CEP128: variants seen among roughly 807,000 people sequenced by gnomAD.
The protein encoded by CEP128 is centrosomal protein 128.
CEP128 carries 132 observed loss-of-function variants against 156.7 expected under a neutral mutation model. The observed-to-expected ratio is 0.84, with a 90% CI of 0.73 to 0.97. CEP128 has a LOEUF of 0.97. Ranked by LOEUF, CEP128 falls within the 50% of genes least tolerant of loss-of-function variation. The pLI, the probability that CEP128 is intolerant of heterozygous loss-of-function variation, is 0.00. For missense variants in CEP128, 1,252 were observed against 1,281.9 expected, an observed-to-expected ratio of 0.98 and a Z score of 0.36; for synonymous variants, 469 against 448.9, an observed-to-expected ratio of 1.04 and a Z score of -0.57.
chr14:80,564,706 G>A (rs1205142876), intron 20 of CEP128, among the ~76,000 whole-genome samples: 1 of 152,160 alleles, frequency 6.6e-6, no homozygotes, highest in African/African-American at 2.4e-5. Flanking sequence ...TTCCCAAAAA[G>A]ACCTGCTTCT....
intron 1 of CEP128, among the ~76,000 whole-genome samples, chr14:80,958,841 T>C (rs563696842): frequency 6.6e-6 from 1 of 152,280 alleles, no homozygotes; most frequent in Non-Finnish European, 1.5e-5. Context: ...TTATTCAGAG[T>C]GTACCTCTTT....
At chr14:80,642,089 CAAA>C (rs71103870) in intron 19 of CEP128, among the ~76,000 whole-genome samples, 6 of 91,516 alleles carry the variant, frequency 6.6e-5, no homozygotes, top group African/African-American at 1.5e-4. Flanking sequence ...GACTCCGTTT[CAAA>C]AAAAAAAAAG....
chr14:80,563,516 C>T (rs1324485539), intron 20 of CEP128, among the ~76,000 whole-genome samples: 1 of 138,024 alleles, frequency 7.2e-6, no homozygotes, highest in African/African-American at 2.7e-5. Context: ...ACCCATGGGC[C>T]TCCAAATCTT....
intron 23 of CEP128, among the ~76,000 whole-genome samples, chr14:80,513,743 A>T (rs72689029): frequency 0.056 from 8,450 of 152,230 alleles, 300 homozygotes; most frequent in Non-Finnish European, 0.082. Flanking sequence ...ATCGTGACTT[A>T]CTTTCCAATC....
intron 21 of CEP128, among the ~76,000 whole-genome samples, chr14:80,541,166 G>C (rs532953357): frequency 6.6e-6 from 1 of 152,200 alleles, no homozygotes; most frequent in South Asian, 2.1e-4. Flanking sequence ...TTCTAAGTCA[G>C]GAAAATGGGA....
chr14:80,736,957 T>C (rs999554099), intron 19 of CEP128, among the ~76,000 whole-genome samples: 1 of 152,204 alleles, frequency 6.6e-6, no homozygotes, highest in Admixed American at 6.5e-5. Flanking sequence ...TGGATTTCAA[T>C]TCATAACAGA....
At chr14:80,619,061 C>G (rs149776503) in intron 19 of CEP128, among the ~76,000 whole-genome samples, 1 of 152,144 alleles carries the variant, frequency 6.6e-6, no homozygotes, top group Non-Finnish European at 1.5e-5. Flanking sequence ...AAAATGAACA[C>G]TGCCCGCATA....
At chr14:80,541,142 C>G (rs1889737822) in intron 21 of CEP128, among the ~76,000 whole-genome samples, 1 of 152,064 alleles carries the variant, frequency 6.6e-6, no homozygotes, top group South Asian at 2.1e-4. Context: ...ACAATTTAAC[C>G]CATGGTTCTC....
At chr14:80,856,715 C>CTTTTTTTTTTTTTTTT (rs1566673747) in intron 9 of CEP128, among the ~76,000 whole-genome samples, 1 of 73,204 alleles carries the variant, frequency 1.4e-5, no homozygotes. Context: ...TCATGTTTTT[C>CTTTTTTTTTTTTTTTT]TTTTCTTTTT....
At chr14:80,545,577 T>C (rs1258546780) in intron 21 of CEP128, among the ~76,000 whole-genome samples, 1 of 152,180 alleles carries the variant, frequency 6.6e-6, no homozygotes, top group Non-Finnish European at 1.5e-5. Flanking sequence ...ATCTGACAAA[T>C]TTTAATGTTA....
At chr14:80,637,514 C>T (rs1487380353) in intron 19 of CEP128, among the ~76,000 whole-genome samples, 1 of 152,130 alleles carries the variant, frequency 6.6e-6, no homozygotes, top group Admixed American at 6.5e-5. Context: ...TTTTTGCCTA[C>T]CAATGTATCC....
At chr14:80,629,177 G>A (rs1404469308) in intron 19 of CEP128, among the ~76,000 whole-genome samples, 1 of 151,954 alleles carries the variant, frequency 6.6e-6, no homozygotes, top group African/African-American at 2.4e-5. Context: ...TGAAAAAATG[G>A]AGCTGTGTCT....
rs201939198 is a variant in CEP128, at chr14:80,904,844, C to A, written c.449G>T (p.Arg150Leu). ...CATATCATCAGTCTCTTGAACAAAC[C>A]GGACACCAGTTCTTGATCTCATTCG... ...IKRMRSRTGV[R>L]FVQETDDMTQ... The change falls in exon 6 of 25, where the codon CGG becomes CTG. Residue 150 changes from arginine to leucine, a missense_variant. Physicochemically the swap from Arg to Leu is moderately radical, Grantham distance 102. Coordinates refer to ENST00000555265, the MANE Select transcript of CEP128 (RefSeq NM_152446.5). 2.5e-5 allele frequency: 40 copies of A among 1,606,976 alleles called. No individual in the cohort carries two copies. In the Admixed American group the frequency reaches 6.3e-4, roughly 25 times the overall value.
At chr14:80,610,457 G>A (rs1892951473) in intron 19 of CEP128, among the ~76,000 whole-genome samples, 1 of 151,900 alleles carries the variant, frequency 6.6e-6, no homozygotes, top group East Asian at 1.9e-4. Flanking sequence ...ATAATTCATG[G>A]GATATTTTCA....
At chr14:80,775,539 T>C (rs1364399978) in intron 16 of CEP128, among the ~76,000 whole-genome samples, 1 of 152,220 alleles carries the variant, frequency 6.6e-6, no homozygotes, top group Non-Finnish European at 1.5e-5. Context: ...TTTCTCTGCA[T>C]TAGCACCCAT....
At position 80,785,093 on chromosome 14, in the gene CEP128, C is replaced by G; in HGVS notation, c.2013G>C (p.Gln671His). Residue 671 changes from glutamine to histidine, a missense_variant, in exon 15 of 25, where the codon CAG (glutamine) becomes CAC (histidine). Transcript: ENST00000555265. The part of the protein sequence containing the change: ...VLKDLSDLTA[Q>H]AKSRDEETAT... ...CTGTTTCTTCATCCCTGGATTTTGC[C>G]TGTGCAGTGAGGTCAGAAAGGTCCT... 1 of 1,614,130 alleles carries G rather than the reference C, an allele frequency of 6.2e-7. No homozygotes were observed. The highest frequency in any genetic ancestry group is 1.1e-5 in the South Asian group (1 of 91,076).
At chr14:80,888,976 T>C (rs1274303217) in intron 8 of CEP128, among the ~76,000 whole-genome samples, 1 of 152,160 alleles carries the variant, frequency 6.6e-6, no homozygotes, top group African/African-American at 2.4e-5. Flanking sequence ...AGCATTCCTA[T>C]ACACCAATAA....
chr14:80,637,771 C>A (rs967555016), intron 19 of CEP128, among the ~76,000 whole-genome samples: 7 of 152,064 alleles, frequency 4.6e-5, no homozygotes, highest in African/African-American at 7.2e-5. Flanking sequence ...CCTGGATTAT[C>A]CAGTTGGGCA....
At chr14:80,721,604 ATTTTATTATCAGAAAAT>A (rs1298227906) in intron 19 of CEP128, among the ~76,000 whole-genome samples, 3 of 152,164 alleles carry the variant, frequency 2.0e-5, no homozygotes, top group African/African-American at 7.2e-5. Flanking sequence ...CCTTTTTAAT[ATTTTATTATCAGAAAAT>A]TTAAAACTAT....
Sources: allele counts gnomAD v4.1 joint callset (sites outside exome capture counted in the v4.1 genomes callset), GRCh38; gene constraint gnomAD v4.1.1; transcripts MANE v1.5; gene names NCBI Gene and HGNC (gene_info 2026-07-23, HGNC 2026-07-21).